Variants in DLG2 observed in about 807,000 individuals in gnomAD.
The protein encoded by DLG2 is discs large MAGUK scaffold protein 2, also known as disks large homolog 2.
In DLG2, 45 loss-of-function variants were observed where a neutral mutation model predicts 132.5. The ratio of observed to expected loss-of-function variants is 0.34; its 90% CI spans 0.27 to 0.44. The LOEUF (loss-of-function observed/expected upper bound fraction) is 0.44, where lower values mean the gene tolerates loss of function less well. DLG2 is among the 20% of genes least tolerant of loss of function. The pLI is 1.00. For missense variants in DLG2, 1,045 were observed against 1,196.9 expected (o/e 0.87, Z 1.87); for synonymous variants, 424 against 419.6 (o/e 1.01, Z -0.13).
intron 5 of DLG2, 33 bp from the exon 6 acceptor site, chr11:85,111,768 T>G (rs1318092394): frequency 1.3e-6 from 2 of 1,482,496 alleles, no homozygotes; most frequent in Non-Finnish European, 1.8e-6. Context: ...TTATATTCTA[T>G]TTATTATGGG....
At chr11:84,883,165 T>A (rs569167047) in intron 6 of DLG2, among the ~76,000 whole-genome samples, 4 of 152,078 alleles carry the variant, frequency 2.6e-5, no homozygotes, top group African/African-American at 9.7e-5. Context: ...TGCAGGGACA[T>A]GGATGAAGCT....
intron 3 of DLG2, among the ~76,000 whole-genome samples, chr11:85,290,594 T>C (rs950768889): frequency 1.3e-5 from 2 of 152,114 alleles, no homozygotes; most frequent in South Asian, 2.1e-4. Context: ...AGATGGCAAG[T>C]GAAGAACTCT....
intron 6 of DLG2, among the ~76,000 whole-genome samples, chr11:84,642,057 T>C (rs1266285689): frequency 2.2e-5 from 3 of 138,118 alleles, no homozygotes. Flanking sequence ...TATGTATATA[T>C]ACGCACGCGT....
intron 6 of DLG2, among the ~76,000 whole-genome samples, chr11:84,747,417 AT>A (rs2065518579): frequency 6.6e-6 from 1 of 152,200 alleles, no homozygotes; most frequent in African/African-American, 2.4e-5. Context: ...CAATTTAGTA[AT>A]TTTGAGGCAG....
At chr11:83,886,536 G>C (rs948847013) in intron 15 of DLG2, among the ~76,000 whole-genome samples, 4 of 152,074 alleles carry the variant, frequency 2.6e-5, no homozygotes, top group Admixed American at 1.3e-4. Flanking sequence ...ATAGACAGAT[G>C]AATGAGACAG....
At chr11:83,999,255 C>T (rs1468289766) in intron 11 of DLG2, among the ~76,000 whole-genome samples, 1 of 152,152 alleles carries the variant, frequency 6.6e-6, no homozygotes, top group Non-Finnish European at 1.5e-5. Context: ...AGTCTATCAC[C>T]ATTGGTAGGT....
intron 17 of DLG2, among the ~76,000 whole-genome samples, chr11:83,788,733 A>G (rs1448210556): frequency 6.6e-6 from 1 of 152,250 alleles, no homozygotes; most frequent in Non-Finnish European, 1.5e-5. Context: ...ACTTTTTATA[A>G]AAGAATAAAA....
chr11:85,042,051 A>G (rs2154150152), intron 6 of DLG2, among the ~76,000 whole-genome samples: 1 of 152,048 alleles, frequency 6.6e-6, no homozygotes, highest in Non-Finnish European at 1.5e-5. Flanking sequence ...CCATGTAACC[A>G]AAATCACTTT....
intron 15 of DLG2, among the ~76,000 whole-genome samples, chr11:83,886,012 C>T: frequency 6.6e-6 from 1 of 152,206 alleles, no homozygotes. Context: ...TTGTAAAGAT[C>T]ATCGAGGCTA....
At chr11:83,542,905 A>G (rs980020118) in intron 19 of DLG2, among the ~76,000 whole-genome samples, 9 of 152,272 alleles carry the variant, frequency 5.9e-5, no homozygotes, top group South Asian at 2.1e-4. Flanking sequence ...CTTAGAGTAT[A>G]ACCACTATGT....
intron 6 of DLG2, among the ~76,000 whole-genome samples, chr11:84,704,370 T>G (rs1054129688): frequency 1.3e-5 from 2 of 151,598 alleles, no homozygotes; most frequent in Non-Finnish European, 3.0e-5. Flanking sequence ...TTTCAGAGTT[T>G]GGCAGACTTG....
At chr11:85,463,607 A>C (rs911813101) in intron 3 of DLG2, among the ~76,000 whole-genome samples, 1 of 152,066 alleles carries the variant, frequency 6.6e-6, no homozygotes, top group Non-Finnish European at 1.5e-5. Flanking sequence ...AGTCTATAAA[A>C]AAATTTTTTT....
chr11:83,753,408 G>T (rs1400026091), intron 18 of DLG2, among the ~76,000 whole-genome samples: 1 of 151,954 alleles, frequency 6.6e-6, no homozygotes, highest in Non-Finnish European at 1.5e-5. Context: ...GGGTGACACA[G>T]CAAGGCTCTC....
At chr11:83,577,916 A>G (rs1593597794) in intron 19 of DLG2, among the ~76,000 whole-genome samples, 3 of 127,966 alleles carry the variant, frequency 2.3e-5, no homozygotes, top group East Asian at 4.4e-4. Context: ...ATGTATAATT[A>G]TATATATTTA....
intron 7 of DLG2, among the ~76,000 whole-genome samples, chr11:84,479,904 A>G (rs1032704511): frequency 6.6e-6 from 1 of 152,154 alleles, no homozygotes; most frequent in African/African-American, 2.4e-5. Flanking sequence ...GGGAGAAGCA[A>G]GATATTGGCA....
At chr11:85,583,727 A>T (rs568086196) in intron 3 of DLG2, among the ~76,000 whole-genome samples, 27 of 152,340 alleles carry the variant, frequency 1.8e-4, no homozygotes, top group African/African-American at 5.8e-4. Context: ...TGAGATACTC[A>T]TGAGATACTT....
chr11:84,545,417 A>ACGAC, intron 6 of DLG2: 1 of 482,566 alleles, frequency 2.1e-6, no homozygotes, highest in Non-Finnish European at 4.0e-6. Context: ...CAAAGCTACT[A>ACGAC]CGACCACTGA....
intron 7 of DLG2, among the ~76,000 whole-genome samples, chr11:84,452,758 CAT>C (rs1301958225): frequency 6.6e-6 from 1 of 151,492 alleles, no homozygotes; most frequent in East Asian, 1.9e-4. Context: ...TTGTAAGAAA[CAT>C]AAGAAGTTAG....
At chr11:84,299,017 T>C (rs774925756) in intron 7 of DLG2, among the ~76,000 whole-genome samples, 9 of 152,180 alleles carry the variant, frequency 5.9e-5, no homozygotes, top group Non-Finnish European at 8.8e-5. Context: ...TAAATAAACG[T>C]TCACGAAAAA....
Sources: allele counts gnomAD v4.1 joint callset (sites outside exome capture counted in the v4.1 genomes callset), GRCh38; gene constraint gnomAD v4.1.1; transcripts MANE v1.5; gene names NCBI Gene and HGNC (gene_info 2026-07-23, HGNC 2026-07-21).